TIMP3: variants seen among roughly 807,000 people sequenced by gnomAD.
TIMP3 encodes TIMP metallopeptidase inhibitor 3.
TIMP3 carries 11 observed loss-of-function variants against 30.0 expected under a neutral mutation model. That is an observed-to-expected ratio of 0.37 (90% CI 0.23 to 0.61). The LOEUF (loss-of-function observed/expected upper bound fraction) is 0.61. Ranked by LOEUF, TIMP3 falls within the 20% of genes least tolerant of loss-of-function variation. The pLI is 0.70. For synonymous variants in TIMP3, 112 were observed against 111.3 expected, an observed-to-expected ratio of 1.01 and a Z score of -0.04; for missense variants, 181 against 276.8, an observed-to-expected ratio of 0.65 and a Z score of 2.45.
intron 1 of TIMP3, among the ~76,000 whole-genome samples, chr22:32,842,985 A>C (rs572230352): frequency 7.4e-4 from 112 of 152,308 alleles, no homozygotes; most frequent in African/African-American, 2.6e-3. Context: ...TCTGCAGTGA[A>C]AGTGGGGAAT....
intron 2 of TIMP3, among the ~76,000 whole-genome samples, chr22:32,854,869 C>T (rs935266019): frequency 1.3e-5 from 2 of 152,082 alleles, no homozygotes; most frequent in African/African-American, 4.8e-5. Context: ...AAGGCAGGGG[C>T]GCCCAAACTC....
intron 1 of TIMP3, among the ~76,000 whole-genome samples, chr22:32,834,327 T>A (rs130298): frequency 2.1e-4 from 22 of 102,434 alleles, no homozygotes; most frequent in Admixed American, 5.7e-4. Flanking sequence ...TAATTTATTT[T>A]TTTTTTTGTA....
rs1262216253 is a variant in TIMP3, at chr22:32,861,075, C to T, written c.*1698C>T. ...TGGTGACATTGAACATGATTGCTCT[C>T]TGTCTCTTTTTTCAGCTTATGGGTA... On this transcript the variant is annotated 3_prime_UTR_variant, in exon 5 of 5. Coordinates refer to ENST00000266085, the MANE Select transcript of TIMP3 (RefSeq NM_000362.5). 1 of 151,670 alleles carries T rather than the reference C, an allele frequency of 6.6e-6. No individual in the cohort carries two copies. The highest frequency in any genetic ancestry group is 1.5e-5 in the Non-Finnish European group (1 of 67,924). The allele number at this position is 151,670 out of a possible 1,614,324, so 9.4% of individuals were successfully genotyped here.
In TIMP3 at chr22:32,861,773, CTTTG is replaced by C. The variant is rs2048545995; in HGVS notation, c.*2400_*2403del. 1 of 152,622 alleles carries C rather than the reference CTTTG, an allele frequency of 6.6e-6. No individual in the cohort carries two copies. Among genetic ancestry groups the C allele is most frequent in the African/African-American group, 2.4e-5 (1 of 41,452 alleles). The allele number at this position is 152,622 out of a possible 1,614,324, so 9.5% of individuals were successfully genotyped here. ...GTTTTGAGCTTTCTATAAGCTATAG[CTTTG>C]TTTATTTCACCCGTTCACTTACTGT... On this transcript the variant is annotated 3_prime_UTR_variant, in exon 5 of 5. Transcript: ENST00000266085.
In TIMP3 at chr22:32,823,370, T is replaced by C. The variant is rs73885113; in HGVS notation, c.121+21248T>C. On this transcript the variant is annotated intron_variant, in intron 1 of 4. Coordinates refer to ENST00000266085, the MANE Select transcript of TIMP3 (RefSeq NM_000362.5). ...CAAGGGATGTTTCTGTTGGGAGCTG[T>C]GAGTGGGGTGGATGTCCTCTGCCTC... Among the ~76,000 whole-genome samples, 1,433 of 152,178 alleles carry C rather than the reference T, an allele frequency of 9.4e-3. 30 individuals are homozygous for C. The highest frequency in any genetic ancestry group is 0.034 in the African/African-American group (1,395 of 41,508).
intron 1 of TIMP3, among the ~76,000 whole-genome samples, chr22:32,816,172 T>C (rs1021072391): frequency 1.3e-5 from 2 of 151,982 alleles, no homozygotes; most frequent in African/African-American, 4.8e-5. Context: ...GAGGTCAGTG[T>C]ACCAGGTTGG....
Position 32,801,815 on chromosome 22 carries a change from G to T in TIMP3, c.-187G>T. On this transcript the variant is annotated 5_prime_UTR_variant, in exon 1 of 5. Coordinates refer to ENST00000266085, the MANE Select transcript of TIMP3 (RefSeq NM_000362.5). This position sits in a 1 kb window ranked among gnomAD's most constrained non-coding sequence, Gnocchi z 4.7. ...GCCGCCCGCCGAGTCCTGCGCCAGC[G>T]CCGAGGCAGCCTCGCTGCGCCCCAT... 1 of 592,020 alleles carries T rather than the reference G, an allele frequency of 1.7e-6. No individual in the cohort carries two copies. 36.7% of individuals were successfully genotyped at this position (592,020 alleles called of 1,614,324 possible).
At chr22:32,820,353 C>CGTGTGTGT (rs35230068) in intron 1 of TIMP3, among the ~76,000 whole-genome samples, 3 of 141,780 alleles carry the variant, frequency 2.1e-5, no homozygotes, top group East Asian at 2.1e-4. Flanking sequence ...CATTCCACTG[C>CGTGTGTGT]GTGTGTGTGT....
chr22:32,801,933 C>T lies in TIMP3; in HGVS notation c.-69C>T. On this transcript the variant is annotated 5_prime_UTR_variant, in exon 1 of 5. Transcript: ENST00000266085. This position sits in a 1 kb window ranked among gnomAD's most constrained non-coding sequence, Gnocchi z 4.7. ...CGAGCGAGCTCGGGCTGCAGCAGCC[C>T]CGCCGGCGGCGCGCACGGCAACTTT... The T allele has an allele frequency of 6.6e-7, 1 of 1,515,010 alleles. No individual in the cohort carries two copies. 93.8% of individuals were successfully genotyped at this position (1,515,010 alleles called of 1,614,324 possible). A position where few individuals can be genotyped will look rare whatever the true frequency, so the allele number is the denominator to read the frequency against.
chr22:32,857,942 T>A (rs1458983107), intron 3 of TIMP3, 75 bp from the exon 4 acceptor site: 1 of 1,609,988 alleles, frequency 6.2e-7, no homozygotes, highest in Non-Finnish European at 8.5e-7. Flanking sequence ...AGTGGGAACA[T>A]AGTAGGTGTG....
intron 1 of TIMP3, among the ~76,000 whole-genome samples, chr22:32,803,273 G>A (rs1164288196): frequency 1.3e-5 from 2 of 152,032 alleles, no homozygotes; most frequent in Non-Finnish European, 2.9e-5. Flanking sequence ...TCATAAAGGA[G>A]AAGGAAATTT....
intron 1 of TIMP3, among the ~76,000 whole-genome samples, chr22:32,842,809 T>C (rs1025653183): frequency 1.3e-5 from 2 of 152,182 alleles, no homozygotes; most frequent in African/African-American, 2.4e-5. Flanking sequence ...GTTATACTGC[T>C]GATGGCGATG....
At chr22:32,854,439 G>T (rs539195913) in intron 2 of TIMP3, among the ~76,000 whole-genome samples, 7 of 152,282 alleles carry the variant, frequency 4.6e-5, no homozygotes, top group Admixed American at 1.3e-4. Context: ...GGCAGTCAAG[G>T]GGAAAGACTG....
intron 3 of TIMP3, 121 bp downstream of exon 3, chr22:32,857,481 TA>T: frequency 1.3e-6 from 1 of 790,618 alleles, no homozygotes; most frequent in Non-Finnish European, 2.2e-6. Context: ...AAGGAGTCTC[TA>T]ATGTTGAATT....
chr22:32,809,329 A>C (rs182139268), intron 1 of TIMP3, among the ~76,000 whole-genome samples: 3 of 152,278 alleles, frequency 2.0e-5, no homozygotes, highest in Admixed American at 1.3e-4. Flanking sequence ...ACCTCTCCAC[A>C]TGAGTCTTTG....
chr22:32,840,745 GC>G (rs2047875721), intron 1 of TIMP3, among the ~76,000 whole-genome samples: 1 of 152,110 alleles, frequency 6.6e-6, no homozygotes, highest in Non-Finnish European at 1.5e-5. Context: ...CAGATCTGAT[GC>G]CATCTCCAGG....
At chr22:32,816,213 G>A (rs1159452628) in intron 1 of TIMP3, among the ~76,000 whole-genome samples, 2 of 152,112 alleles carry the variant, frequency 1.3e-5, no homozygotes, top group Non-Finnish European at 2.9e-5. Context: ...GCAGGGGCGG[G>A]GGTAGGGGGG....
At chr22:32,821,022 G>A (rs2047231970) in intron 1 of TIMP3, among the ~76,000 whole-genome samples, 1 of 152,068 alleles carries the variant, frequency 6.6e-6, no homozygotes, top group Non-Finnish European at 1.5e-5. Context: ...CTTTCAATAT[G>A]ATCTCATCCC....
chr22:32,840,100 A>G (rs1248649447), intron 1 of TIMP3, among the ~76,000 whole-genome samples: 2 of 152,040 alleles, frequency 1.3e-5, no homozygotes. Flanking sequence ...CTGGGCAGGG[A>G]GGTTTTCATA....
Sources: allele counts gnomAD v4.1 joint callset (sites outside exome capture counted in the v4.1 genomes callset), GRCh38; gene constraint gnomAD v4.1.1; non-coding constraint Gnocchi (gnomAD v3.1); transcripts MANE v1.5; gene names NCBI Gene and HGNC (gene_info 2026-07-23, HGNC 2026-07-21).